Variants in TDRP observed in about 807,000 individuals in gnomAD.
TDRP encodes testis development related protein.
TDRP carries 12 observed loss-of-function variants against 10.5 expected under a neutral mutation model. The ratio of observed to expected loss-of-function variants is 1.15; its 90% CI spans 0.73 to 1.86. The LOEUF (loss-of-function observed/expected upper bound fraction) is 1.86, where lower values mean the gene tolerates loss of function less well. Among genes scored for constraint, TDRP ranks in the 40% most tolerant of loss-of-function variants. The pLI is 0.00. For missense variants in TDRP, 353 were observed against 229.2 expected, an observed-to-expected ratio of 1.54 and a Z score of -3.49; for synonymous variants, 139 against 95.4, an observed-to-expected ratio of 1.46 and a Z score of -2.67.
intron 1 of TDRP, among the ~76,000 whole-genome samples, chr8:532,440 C>G (rs1466015927): frequency 6.6e-6 from 1 of 152,220 alleles, no homozygotes; most frequent in Non-Finnish European, 1.5e-5. Flanking sequence ...TGCACTCCAG[C>G]TCTTCTAGCT....
At chr8:536,488 T>C (rs1301533089) in intron 1 of TDRP, among the ~76,000 whole-genome samples, 1 of 152,242 alleles carries the variant, frequency 6.6e-6, no homozygotes, top group Non-Finnish European at 1.5e-5. Flanking sequence ...CAACCTGTTT[T>C]TTCACCTGTA....
At chr8:494,858 T>C (rs150238029) in intron 1 of TDRP, 2 of 302,730 alleles carry the variant, frequency 6.6e-6, no homozygotes, top group East Asian at 6.3e-5. Context: ...AGTCAATATT[T>C]TGCCTCAAAA....
At chr8:512,864 C>G (rs1017973260) in intron 1 of TDRP, among the ~76,000 whole-genome samples, 13 of 151,774 alleles carry the variant, frequency 8.6e-5, no homozygotes, top group African/African-American at 3.1e-4. Context: ...CCCAGCTACT[C>G]AGGAGGCTGA....
chr8:510,436 C>A (rs1192425293), intron 1 of TDRP, among the ~76,000 whole-genome samples: 1 of 152,178 alleles, frequency 6.6e-6, no homozygotes, highest in Non-Finnish European at 1.5e-5. Context: ...CAGATGTAAT[C>A]TTTATTATAC....
intron 1 of TDRP, among the ~76,000 whole-genome samples, chr8:498,687 G>A (rs923974638): frequency 6.6e-6 from 1 of 152,108 alleles, no homozygotes; most frequent in Non-Finnish European, 1.5e-5. Context: ...ATTACATTTG[G>A]GAGGGGCCAG....
intron 1 of TDRP, among the ~76,000 whole-genome samples, chr8:504,100 G>A (rs777556719): frequency 3.9e-5 from 6 of 152,058 alleles, no homozygotes; most frequent in Non-Finnish European, 7.4e-5. Context: ...CCAGAGCCAC[G>A]TGTCGGAACC....
intron 1 of TDRP, among the ~76,000 whole-genome samples, chr8:511,197 A>T (rs1584864325): frequency 6.6e-6 from 1 of 152,202 alleles, no homozygotes; most frequent in African/African-American, 2.4e-5. Context: ...GTCACACTGG[A>T]TTTTTAAAAT....
Position 492,418 on chromosome 8 carries a change from C to G in TDRP, c.539G>C (p.Ser180Thr), listed in dbSNP as rs1353030528. The G allele has an allele frequency of 1.3e-6, 2 of 1,562,306 alleles. No individual in the cohort carries two copies. Among genetic ancestry groups the G allele is most frequent in the Admixed American group, 1.8e-5 (1 of 55,126 alleles). Residue 180 changes from serine to threonine, a missense_variant, in exon 3 of 3, where the codon AGC becomes ACC. Coordinates refer to ENST00000324079, the MANE Select transcript of TDRP (RefSeq NM_001384899.1). ...RRQSKGHLTD[S>T]PEEAE is the part of the protein sequence containing the mutation. ...CCCCCCTCACTCCGCCTCCTCCGGG[C>G]TATCTGTCAGGTGGCCTTTACTCTG...
rs117848559 is a variant in TDRP at position 525,102 on chromosome 8, C to G, written c.108+19548G>C. 5.9e-5 allele frequency among the ~76,000 whole-genome samples: 9 copies of G among 152,078 alleles called. No homozygotes were observed. In the East Asian group the frequency reaches 1.7e-3, roughly 29 times the overall value. On this transcript the variant is annotated intron_variant, in intron 1 of 2. Transcript: ENST00000324079. ...AAACAGATAGCATACAATGGAGCTCCGATAGGTCTGGCAGCAGGCTTTTCA... is the reference window on the plus strand; with the variant it reads ...AAACAGATAGCATACAATGGAGCTCGGATAGGTCTGGCAGCAGGCTTTTCA...
intron 1 of TDRP, among the ~76,000 whole-genome samples, chr8:519,489 C>G (rs1418612481): frequency 6.6e-6 from 1 of 152,058 alleles, no homozygotes; most frequent in Admixed American, 6.6e-5. Flanking sequence ...AGTTCAATTG[C>G]GTTAACTACA....
At chr8:526,653 T>G (rs190482316) in intron 1 of TDRP, among the ~76,000 whole-genome samples, 1 of 152,310 alleles carries the variant, frequency 6.6e-6, no homozygotes, top group Middle Eastern at 3.4e-3. Flanking sequence ...TATTGGCCTG[T>G]GGTTTTCTCT....
At chr8:534,139 C>G (rs1802282439) in intron 1 of TDRP, among the ~76,000 whole-genome samples, 2 of 152,116 alleles carry the variant, frequency 1.3e-5, no homozygotes, top group Admixed American at 6.5e-5. Flanking sequence ...CCCAGAGAAA[C>G]TTGGATTCAA....
chr8:517,410 C>A (rs757959893), intron 1 of TDRP, among the ~76,000 whole-genome samples: 1 of 152,214 alleles, frequency 6.6e-6, no homozygotes, highest in Non-Finnish European at 1.5e-5. Context: ...CGTTTAAGGT[C>A]TGCTAAGAGA....
chr8:491,382 A>ATAAT lies in TDRP; in HGVS notation c.*1016_*1017insATTA. On this transcript the variant is annotated 3_prime_UTR_variant, in exon 3 of 3. Transcript: ENST00000324079. ...AACCTTCCAGGGACGCATAACTGGC[A>ATAAT]CCTGATACTGTGCAGGATCACATTG... 1 of 384,956 alleles carries ATAAT rather than the reference A, an allele frequency of 2.6e-6. No individual in the cohort carries two copies. The highest frequency in any genetic ancestry group is 4.6e-6 in the Non-Finnish European group (1 of 218,630). 23.8% of individuals were successfully genotyped at this position (384,956 alleles called of 1,614,324 possible). A position where few individuals can be genotyped will look rare whatever the true frequency, so the allele number is the denominator to read the frequency against.
intron 1 of TDRP, among the ~76,000 whole-genome samples, chr8:496,736 C>T (rs1306393718): frequency 6.6e-6 from 1 of 152,214 alleles, no homozygotes; most frequent in Non-Finnish European, 1.5e-5. Context: ...TGTCCCCACA[C>T]AAGTCTCAAG....
intron 1 of TDRP, among the ~76,000 whole-genome samples, chr8:522,679 T>G (rs138331293): frequency 1.3e-5 from 2 of 152,224 alleles, no homozygotes; most frequent in African/African-American, 2.4e-5. Context: ...GCTCAGTCCT[T>G]TGGATGTTAA....
chr8:517,908 A>G (rs1420407390), intron 1 of TDRP, among the ~76,000 whole-genome samples: 1 of 152,230 alleles, frequency 6.6e-6, no homozygotes, highest in Non-Finnish European at 1.5e-5. Flanking sequence ...TGGAAAACAC[A>G]AAACTATGGA....
intron 1 of TDRP, among the ~76,000 whole-genome samples, chr8:513,059 C>A (rs1801660783): frequency 6.7e-6 from 1 of 150,370 alleles, no homozygotes; most frequent in South Asian, 2.1e-4. Context: ...ATGTTTGCTA[C>A]TAAATCCTAC....
At chr8:497,612 C>T (rs187153013) in intron 1 of TDRP, among the ~76,000 whole-genome samples, 10 of 152,346 alleles carry the variant, frequency 6.6e-5, no homozygotes, top group Non-Finnish European at 1.2e-4. Flanking sequence ...AAAGAAAACC[C>T]TTTCTGGGAA....
Sources: gnomAD v4.1 joint callset for allele counts (sites outside exome capture counted in the v4.1 genomes callset) on GRCh38, gnomAD v4.1.1 for gene constraint, MANE v1.5 for transcripts, NCBI Gene and HGNC (gene_info 2026-07-23, HGNC 2026-07-21) for gene names.